FAM135A: variants seen among roughly 807,000 people sequenced by gnomAD.
FAM135A encodes family with sequence similarity 135 member A.
Under a neutral mutation model 146.8 loss-of-function variants are expected in FAM135A, and 79 were observed. That is an observed-to-expected ratio of 0.54 (90% CI 0.45 to 0.65). The LOEUF is 0.65. Among genes scored for constraint, FAM135A ranks in the 30% least tolerant of loss-of-function variants. FAM135A has a pLI of 0.00. For missense variants in FAM135A, 1,623 were observed against 1,758.2 expected, an observed-to-expected ratio of 0.92 and a Z score of 1.38; for synonymous variants, 562 against 603.6, an observed-to-expected ratio of 0.93 and a Z score of 1.01.
intron 18 of FAM135A, among the ~76,000 whole-genome samples, chr6:70,535,361 A>G (rs1796600795): frequency 6.6e-6 from 1 of 152,122 alleles, no homozygotes; most frequent in African/African-American, 2.4e-5. Flanking sequence ...GGGGTCCCCA[A>G]ACCCTGGGCC....
chr6:70,429,564 G>A (rs1397705030), intron 4 of FAM135A, among the ~76,000 whole-genome samples: 1 of 151,960 alleles, frequency 6.6e-6, no homozygotes, highest in African/African-American at 2.4e-5. Flanking sequence ...TTAGGAAATT[G>A]GATATTTTCT....
intron 4 of FAM135A, among the ~76,000 whole-genome samples, chr6:70,438,786 G>GA (rs995252614): frequency 6.6e-6 from 1 of 151,990 alleles, no homozygotes; most frequent in African/African-American, 2.4e-5. Context: ...TGTGAAGAAG[G>GA]AAAAAAAATT....
intron 11 of FAM135A, among the ~76,000 whole-genome samples, chr6:70,492,074 A>T (rs919675601): frequency 4.0e-5 from 6 of 151,854 alleles, no homozygotes; most frequent in African/African-American, 9.7e-5. Context: ...AACTTTTTTT[A>T]AAATAATGTA....
At chr6:70,527,788 T>C (rs1795041798) in intron 15 of FAM135A, among the ~76,000 whole-genome samples, 1 of 152,150 alleles carries the variant, frequency 6.6e-6, no homozygotes, top group East Asian at 1.9e-4. Context: ...CTCCTTCTTA[T>C]TGGTATTTTT....
At chr6:70,516,800 G>A (rs1402953041) in intron 12 of FAM135A, among the ~76,000 whole-genome samples, 1 of 152,004 alleles carries the variant, frequency 6.6e-6, no homozygotes, top group Non-Finnish European at 1.5e-5. Context: ...CTCCCAAAGT[G>A]CTGGGATTAC....
Position 70,481,035 on chromosome 6 carries a change from C to A in FAM135A, c.669+8C>A. ...AAACAGTTATCACCAGATGTAAGAA[C>A]TGAATATGTTTATAAATCTTCTCCT... On this transcript the variant is annotated splice_region_variant and intron_variant, in intron 9 of 21. Coordinates refer to ENST00000418814, the MANE Select transcript of FAM135A (RefSeq NM_001162529.3). The A allele has an allele frequency of 1.9e-6, 3 of 1,575,018 alleles. No homozygotes were observed. Among genetic ancestry groups the A allele is most frequent in the Non-Finnish European group, 2.6e-6 (3 of 1,163,806 alleles).
At chr6:70,464,658 C>CTTTTTTT (rs754818109) in intron 5 of FAM135A, among the ~76,000 whole-genome samples, 54 of 100,402 alleles carry the variant, frequency 5.4e-4, no homozygotes, top group African/African-American at 1.7e-3. Flanking sequence ...TTCTTTCTTT[C>CTTTTTTT]TTTTTTTTCT....
intron 21 of FAM135A, among the ~76,000 whole-genome samples, 199 bp from the exon 22 acceptor site, chr6:70,559,517 T>G (rs1163131714): frequency 2.6e-5 from 4 of 151,826 alleles, no homozygotes; most frequent in Non-Finnish European, 5.9e-5. Flanking sequence ...GACTAGATAA[T>G]GTGATTACTT....
chr6:70,540,318 C>CTTTTTTTTTTTTT (rs1190614826), intron 20 of FAM135A, among the ~76,000 whole-genome samples: 1 of 81,536 alleles, frequency 1.2e-5, no homozygotes, highest in Non-Finnish European at 2.2e-5. Flanking sequence ...ATTCCTGCTA[C>CTTTTTTTTTTTTT]TTTTTTTTTT....
intron 2 of FAM135A, among the ~76,000 whole-genome samples, chr6:70,425,731 A>G (rs915818083): frequency 6.6e-6 from 1 of 152,246 alleles, no homozygotes; most frequent in Non-Finnish European, 1.5e-5. Flanking sequence ...ATACATACAT[A>G]TATGCATACA....
chr6:70,505,911 A>G (rs1433109105), intron 12 of FAM135A, among the ~76,000 whole-genome samples: 1 of 152,158 alleles, frequency 6.6e-6, no homozygotes, highest in Non-Finnish European at 1.5e-5. Flanking sequence ...TTCTTTATTA[A>G]AGGTCAATCA....
rs183652643 is a variant in FAM135A at position 70,512,217 on chromosome 6, A to G, written c.1029+9426A>G. Among the ~76,000 whole-genome samples, 241 of 151,946 alleles carry G rather than the reference A, an allele frequency of 1.6e-3. 3 individuals carry two copies. The highest frequency in any genetic ancestry group is 1.6e-3 in the Non-Finnish European group (106 of 67,792). On this transcript the variant is annotated intron_variant, in intron 12 of 21. Transcript: ENST00000418814. ...TCTTTTAGATTAGCCCATGTTGTAT[A>G]TATTTGTAGTTCATTTCTTTATCGT...
chr6:70,486,491 T>C (rs1310953962), intron 10 of FAM135A, among the ~76,000 whole-genome samples: 1 of 152,244 alleles, frequency 6.6e-6, no homozygotes, highest in Non-Finnish European at 1.5e-5. Flanking sequence ...ACTGGCTTTT[T>C]TCATATGTTT....
chr6:70,438,635 G>C (rs1773757883), intron 4 of FAM135A, among the ~76,000 whole-genome samples: 1 of 152,170 alleles, frequency 6.6e-6, no homozygotes, highest in Non-Finnish European at 1.5e-5. Flanking sequence ...CAAGAGTACT[G>C]TTGCTGACAA....
rs573569173 is a variant in FAM135A at position 70,436,223 on chromosome 6, T to C, written c.77+7804T>C. Among the ~76,000 whole-genome samples, 3 of 151,902 alleles carry C rather than the reference T, an allele frequency of 2.0e-5. No individual in the cohort carries two copies. The East Asian group carries it at 5.8e-4, about 29-fold the overall frequency. The stretch of plus-strand genomic sequence containing the variant: ...AAAAAGTTCAGGAATTGAGGACTTC[T>C]GATTAAGCATTGGTGATTGGAGCTC... On this transcript the variant is annotated intron_variant, in intron 4 of 21. Transcript: ENST00000418814.
intron 12 of FAM135A, among the ~76,000 whole-genome samples, chr6:70,517,051 A>G (rs953094629): frequency 2.0e-5 from 3 of 152,150 alleles, no homozygotes; most frequent in Admixed American, 1.3e-4. Context: ...GTGAATGTCT[A>G]TTTTCTAAAT....
chr6:70,488,598 TG>T (rs1446964648), intron 10 of FAM135A, among the ~76,000 whole-genome samples: 1 of 152,036 alleles, frequency 6.6e-6, no homozygotes, highest in Non-Finnish European at 1.5e-5. Flanking sequence ...AAAATATACC[TG>T]TAACTTTTGA....
At chr6:70,515,084 A>G (rs1370865184) in intron 12 of FAM135A, among the ~76,000 whole-genome samples, 2 of 152,240 alleles carry the variant, frequency 1.3e-5, no homozygotes, top group African/African-American at 4.8e-5. Context: ...TACCTATAAG[A>G]ATGGCTATAA....
At chr6:70,536,228 G>A (rs768090571) in intron 18 of FAM135A, 32 bp from the exon 19 acceptor site, 6 of 1,558,856 alleles carry the variant, frequency 3.8e-6, no homozygotes, top group Non-Finnish European at 5.2e-6. Context: ...AACTAATGCT[G>A]TGAGAAAATT....
Sources: gnomAD v4.1 joint callset for allele counts (sites outside exome capture counted in the v4.1 genomes callset) on GRCh38, gnomAD v4.1.1 for gene constraint, MANE v1.5 for transcripts, NCBI Gene and HGNC (gene_info 2026-07-23, HGNC 2026-07-21) for gene names.